Variants in PTPRT observed in about 807,000 individuals in gnomAD.
PTPRT encodes the protein receptor-type tyrosine-protein phosphatase T.
A neutral mutation model predicts 176.8 loss-of-function variants in PTPRT; 56 were observed. The ratio of observed to expected loss-of-function variants is 0.32; its 90% CI spans 0.26 to 0.40. The LOEUF is 0.40. Ranked by LOEUF, PTPRT falls within the 10% of genes least tolerant of loss-of-function variation. The probability of loss-of-function intolerance (pLI) is 1.00; values close to 1 mark genes in which losing one functional copy is unlikely to be tolerated. For missense variants in PTPRT, 1,540 were observed against 1,908.2 expected, an observed-to-expected ratio of 0.81 and a Z score of 3.60; for synonymous variants, 783 against 739.0, an observed-to-expected ratio of 1.06 and a Z score of -0.96.
chr20:42,503,652 T>C (rs1043335882), intron 7 of PTPRT, among the ~76,000 whole-genome samples: 2 of 152,038 alleles, frequency 1.3e-5, no homozygotes, highest in African/African-American at 4.8e-5. Flanking sequence ...AATCTCGGAG[T>C]GCAGCATTTT....
intron 1 of PTPRT, among the ~76,000 whole-genome samples, chr20:43,013,623 A>C (rs2146158144): frequency 6.6e-6 from 1 of 152,342 alleles, no homozygotes; most frequent in African/African-American, 2.4e-5. Context: ...ACACAGAGAC[A>C]ACAGCAATTC....
chr20:42,117,689 G>T (rs2146321267), intron 21 of PTPRT, among the ~76,000 whole-genome samples: 1 of 152,340 alleles, frequency 6.6e-6, no homozygotes, highest in Non-Finnish European at 1.5e-5. Flanking sequence ...CTATTGGTGG[G>T]ATGGAGGGAG....
At chr20:42,248,579 C>A (rs904162481) in intron 14 of PTPRT, 108 bp downstream of exon 14, 2 of 1,400,854 alleles carry the variant, frequency 1.4e-6, no homozygotes, top group Non-Finnish European at 9.8e-7. Context: ...ATGGTTATAA[C>A]AGAAGATCCC....
At position 43,007,092 on chromosome 20, in the gene PTPRT, C is replaced by A. The variant is rs58199388; in HGVS notation, c.89-121160G>T. 2.6e-5 allele frequency among the ~76,000 whole-genome samples: 4 copies of A among 151,984 alleles called. 1 individual carries two copies. ...ATATAAAGAGAAGTCTAGAGAGAGA[C>A]GATCAGAGCTCATGAGATCCTGAAG... On this transcript the variant is annotated intron_variant, in intron 1 of 30. Coordinates refer to ENST00000373187, the MANE Select transcript of PTPRT (RefSeq NM_007050.6).
chr20:43,189,670 C>T lies in PTPRT; in HGVS notation c.64G>A (p.Gly22Ser). 7.6e-7 allele frequency: 1 copy of T among 1,316,188 alleles called. No individual in the cohort carries two copies. The highest frequency in any genetic ancestry group is 9.7e-7 in the Non-Finnish European group (1 of 1,034,154). 81.5% of individuals were successfully genotyped at this position (1,316,188 alleles called of 1,614,324 possible). A position where few individuals can be genotyped will look rare whatever the true frequency, so the allele number is the denominator to read the frequency against. Residue 22 changes from glycine (G) to serine (S), a missense_variant, in exon 1 of 31, where the codon GGC (glycine) becomes AGC (serine). Around this residue, in one of 11 missense-constraint regions of PTPRT, gnomAD observed 116 missense variants for 118.5 expected, o/e 0.98. Transcript: ENST00000373187. The surrounding 1 kb of genome is among the most constrained non-coding windows in gnomAD (Gnocchi z 5.0). ...CCTGCGGCGCTCTGAGCCCGGGCGCCGGGCAGTGGCGGCAGCTGCAGCCTC... is the reference window on the plus strand; with the variant it reads ...CCTGCGGCGCTCTGAGCCCGGGCGCTGGGCAGTGGCGGCAGCTGCAGCCTC... Reference protein sequence around the residue: ...LLRLQLPPLPGARAQSAAGGC... With the variant: ...LLRLQLPPLPSARAQSAAGGC...
chr20:42,920,561 CTTAATACT>C (rs139778487), intron 1 of PTPRT, among the ~76,000 whole-genome samples: 4,583 of 151,910 alleles, frequency 0.03, 145 homozygotes, highest in African/African-American at 0.082. Flanking sequence ...AAAATAATAC[CTTAATACT>C]TTTTTTTTTC....
At chr20:42,931,095 G>A (rs750795701) in intron 1 of PTPRT, among the ~76,000 whole-genome samples, 3 of 152,162 alleles carry the variant, frequency 2.0e-5, no homozygotes, top group Admixed American at 6.5e-5. Context: ...CAGAACAGGA[G>A]TGGGGGTAAG....
intron 1 of PTPRT, among the ~76,000 whole-genome samples, chr20:43,166,412 T>C (rs1427021406): frequency 6.6e-6 from 1 of 152,212 alleles, no homozygotes; most frequent in African/African-American, 2.4e-5. Flanking sequence ...TTAATGCTGA[T>C]TGTCTGTCCA....
At chr20:42,464,339 A>C (rs6030263) in intron 8 of PTPRT, among the ~76,000 whole-genome samples, 2 of 152,100 alleles carry the variant, frequency 1.3e-5, no homozygotes, top group African/African-American at 4.8e-5. Context: ...ATATCCCTCA[A>C]AGAGAGATAA....
the PTPRT span, among the ~76,000 whole-genome samples, chr20:42,052,391 C>T: frequency 6.8e-6 from 1 of 147,980 alleles, no homozygotes; most frequent in Admixed American, 6.7e-5. Context: ...CTCTCAGACA[C>T]CCTGTGGGTC....
chr20:42,613,027 G>T (rs1390458723), intron 7 of PTPRT, among the ~76,000 whole-genome samples: 1 of 152,172 alleles, frequency 6.6e-6, no homozygotes, highest in Non-Finnish European at 1.5e-5. Flanking sequence ...ACACTCAAGA[G>T]ATTATCTGCT....
At position 42,549,709 on chromosome 20, in the gene PTPRT, G is replaced by A. The variant is rs563015202; in HGVS notation, c.1154-77147C>T. 1.1e-4 allele frequency among the ~76,000 whole-genome samples: 17 copies of A among 152,190 alleles called. No homozygotes were observed. The East Asian group carries it at 2.1e-3, about 19-fold the overall frequency. The stretch of plus-strand genomic sequence containing the variant: ...ACATGCCCCTCAGTGGCAAACCCTC[G>A]CCACAGCTGGTGAATGGGAGGGGAA... On this transcript the variant is annotated intron_variant, in intron 7 of 30. Transcript: ENST00000373187.
chr20:43,174,803 T>C (rs1434340346), intron 1 of PTPRT, among the ~76,000 whole-genome samples: 17 of 152,218 alleles, frequency 1.1e-4, no homozygotes, highest in Admixed American at 1.1e-3. Flanking sequence ...CTTATTCCTT[T>C]TGAACAACCA....
rs1434769526 is a variant in PTPRT at position 42,118,433 on chromosome 20, G to C, written c.2952C>G (p.Val984=). ...MIWQENSASI[V]MVTNLVEVGR... is the part of the protein sequence containing the mutation. ...CCACTTCCACCAGGTTTGTGACCAT[G>C]ACGATGCTGGCGGAGTTCTCCTGCC... Residue 984 remains valine (V), a synonymous_variant, in exon 21 of 31, where the codon GTC becomes GTG. Transcript: ENST00000373187. 6.2e-7 allele frequency: 1 copy of C among 1,613,002 alleles called. No homozygotes were observed. Among genetic ancestry groups the C allele is most frequent in the Admixed American group, 1.7e-5 (1 of 59,918 alleles).
chr20:42,156,302 G>A (rs936059479), intron 17 of PTPRT, among the ~76,000 whole-genome samples: 4 of 152,130 alleles, frequency 2.6e-5, no homozygotes, highest in Non-Finnish European at 5.9e-5. Context: ...TCCCTAGCAG[G>A]CAAGGGCTCT....
chr20:42,724,167 A>G (rs943681429), intron 6 of PTPRT, among the ~76,000 whole-genome samples: 3 of 152,222 alleles, frequency 2.0e-5, no homozygotes, highest in African/African-American at 7.2e-5. Flanking sequence ...GCCTTCAGAA[A>G]GCTCACTTTT....
In PTPRT at chr20:42,549,452, G is replaced by A. The variant is rs6016822; in HGVS notation, c.1154-76890C>T. ...GGGCAGTGGGGTTGGGGAGGGACAC[G>A]GGAGCAGAGAAGAAGGAGATAAGAG... On this transcript the variant is annotated intron_variant, in intron 7 of 30. Transcript: ENST00000373187. Among the ~76,000 whole-genome samples, 481 of 152,154 alleles carry A rather than the reference G, an allele frequency of 3.2e-3. 5 individuals carry two copies. Among genetic ancestry groups the A allele is most frequent in the African/African-American group, 0.011 (462 of 41,528 alleles).
intron 9 of PTPRT, among the ~76,000 whole-genome samples, chr20:42,437,956 A>C (rs958075025): frequency 6.6e-6 from 1 of 152,194 alleles, no homozygotes; most frequent in South Asian, 2.1e-4. Flanking sequence ...ACGGTAAAAC[A>C]TCCGAGATGA....
intron 2 of PTPRT, among the ~76,000 whole-genome samples, chr20:42,881,855 G>A (rs1175192748): frequency 4.6e-5 from 7 of 151,960 alleles, no homozygotes; most frequent in African/African-American, 9.7e-5. Flanking sequence ...CAAAGGACCC[G>A]TGCCAAGAAA....
Sources: allele counts gnomAD v4.1 joint callset (sites outside exome capture counted in the v4.1 genomes callset), GRCh38; gene constraint gnomAD v4.1.1; regional missense constraint gnomAD v4.1.1; non-coding constraint Gnocchi (gnomAD v3.1); transcripts MANE v1.5; gene names NCBI Gene and HGNC (gene_info 2026-07-23, HGNC 2026-07-21).